Variants in SLC45A4 observed in about 807,000 individuals in gnomAD.
The protein encoded by SLC45A4 is polyamine-transporter SLC45A4.
A neutral mutation model predicts 63.7 loss-of-function variants in SLC45A4; 32 were observed. The observed-to-expected ratio is 0.50, with a 90% CI of 0.38 to 0.67. The LOEUF is 0.67. Ranked by LOEUF, SLC45A4 falls within the 30% of genes least tolerant of loss-of-function variation. The pLI is 0.00. For missense variants in SLC45A4, 1,027 were observed against 1,157.7 expected (o/e 0.89, Z 1.64); for synonymous variants, 535 against 510.0 (o/e 1.05, Z -0.66).
At chr8:141,246,141 C>T (rs914746830) in intron 2 of SLC45A4, among the ~76,000 whole-genome samples, 10 of 152,126 alleles carry the variant, frequency 6.6e-5, no homozygotes, top group African/African-American at 2.2e-4. Context: ...ACCTTCGTAC[C>T]CCTTCTACCA....
At chr8:141,259,764 A>G (rs2154614773) in intron 1 of SLC45A4, among the ~76,000 whole-genome samples, 1 of 152,342 alleles carries the variant, frequency 6.6e-6, no homozygotes, top group Admixed American at 6.5e-5. Context: ...ATCTCCCAGC[A>G]TCGGTCCACA....
At chr8:141,269,621 T>C (rs1316650646) in intron 1 of SLC45A4, among the ~76,000 whole-genome samples, 1 of 151,606 alleles carries the variant, frequency 6.6e-6, no homozygotes, top group Non-Finnish European at 1.5e-5. Context: ...TCTGCCTATG[T>C]GTCTGTGCGG....
chr8:141,242,618 C>G (rs375946137), intron 2 of SLC45A4, among the ~76,000 whole-genome samples: 1 of 152,200 alleles, frequency 6.6e-6, no homozygotes, highest in Non-Finnish European at 1.5e-5. Context: ...CGTGGTACAT[C>G]GGTGAGTGCC....
At chr8:141,307,033 T>G (rs1286027677) in intron 1 of SLC45A4, among the ~76,000 whole-genome samples, 2 of 152,140 alleles carry the variant, frequency 1.3e-5, no homozygotes, top group African/African-American at 2.4e-5. Flanking sequence ...ACTCCATCAG[T>G]GACCCGCACT....
chr8:141,257,707 C>T (rs540579456), intron 1 of SLC45A4, among the ~76,000 whole-genome samples: 3 of 152,328 alleles, frequency 2.0e-5, no homozygotes, highest in Middle Eastern at 3.4e-3. Context: ...TTGGCAATGA[C>T]GTGAGACATC....
chr8:141,291,072 C>T (rs1424702997), intron 1 of SLC45A4, among the ~76,000 whole-genome samples: 5 of 152,212 alleles, frequency 3.3e-5, no homozygotes, highest in African/African-American at 1.2e-4. Flanking sequence ...TGGTCTCAAA[C>T]TCCTGACCTC....
At chr8:141,282,961 G>A (rs754981036) in intron 1 of SLC45A4, among the ~76,000 whole-genome samples, 9 of 152,260 alleles carry the variant, frequency 5.9e-5, no homozygotes, top group Non-Finnish European at 7.3e-5. Context: ...TAGCGGAGAC[G>A]TGCACAGACC....
chr8:141,228,719 A>C, intron 2 of SLC45A4: 6 of 724,026 alleles, frequency 8.3e-6, no homozygotes, highest in Non-Finnish European at 8.6e-6. Flanking sequence ...AGAGCACAAA[A>C]TGCAGGTCAG....
intron 3 of SLC45A4, among the ~76,000 whole-genome samples, chr8:141,220,197 A>G (rs1014102220): frequency 2.6e-5 from 4 of 152,198 alleles, no homozygotes; most frequent in African/African-American, 9.6e-5. Context: ...AAGGCCGCAC[A>G]TGGTAGTGCA....
chr8:141,299,569 C>T (rs542561446), intron 1 of SLC45A4, among the ~76,000 whole-genome samples: 1 of 152,366 alleles, frequency 6.6e-6, no homozygotes, highest in Admixed American at 6.5e-5. Flanking sequence ...CCGGCTTCAT[C>T]CAGCAGAGGG....
intron 1 of SLC45A4, among the ~76,000 whole-genome samples, chr8:141,279,537 T>G (rs1829856854): frequency 6.6e-6 from 1 of 152,238 alleles, no homozygotes; most frequent in South Asian, 2.1e-4. Context: ...GGAGATGCCT[T>G]CAGTTGTAAA....
At chr8:141,225,119 G>A (rs1188522854) in intron 2 of SLC45A4, 2 of 152,136 alleles carry the variant, frequency 1.3e-5, no homozygotes, top group East Asian at 1.9e-4. Context: ...AGTGCGACAC[G>A]CGACATCATC....
chr8:141,266,533 C>A (rs1397113931), intron 1 of SLC45A4, among the ~76,000 whole-genome samples: 1 of 152,226 alleles, frequency 6.6e-6, no homozygotes, highest in Non-Finnish European at 1.5e-5. Context: ...GCAGCATTGG[C>A]AATTCTGCGT....
intron 7 of SLC45A4, among the ~76,000 whole-genome samples, chr8:141,214,199 A>C (rs992746623): frequency 1.3e-5 from 2 of 152,124 alleles, no homozygotes; most frequent in Admixed American, 6.5e-5. Flanking sequence ...CTCCAAAAAA[A>C]AAAAAAAAAA....
chr8:141,278,647 G>C lies in SLC45A4; in HGVS notation c.-400-24018C>G, dbSNP rs1035510667. Among the ~76,000 whole-genome samples the C allele has an allele frequency of 1.3e-5, 2 of 152,256 alleles. No individual in the cohort carries two copies. The highest frequency in any genetic ancestry group is 4.8e-5 in the African/African-American group (2 of 41,468). ...TGAGTGCTGACCACAGCCCCCACGG[G>C]CAGCACAGGCAAGCAAGTGGAGGAA... On this transcript the variant is annotated intron_variant, in intron 1 of 8. Transcript: ENST00000517878. The surrounding 1 kb of genome is among the most constrained non-coding windows in gnomAD (Gnocchi z 4.1).
intron 2 of SLC45A4, among the ~76,000 whole-genome samples, chr8:141,246,793 A>C (rs538965848): frequency 9.2e-5 from 14 of 151,838 alleles, no homozygotes; most frequent in African/African-American, 2.9e-4. Flanking sequence ...ATATAAAAAA[A>C]CCAATGCTAT....
intron 1 of SLC45A4, among the ~76,000 whole-genome samples, chr8:141,295,580 AC>A (rs1333247976): frequency 2.6e-5 from 4 of 152,182 alleles, no homozygotes; most frequent in African/African-American, 9.7e-5. Context: ...GGTCTGGAAC[AC>A]CCACTTCCAC....
chr8:141,298,575 G>A (rs989395597), intron 1 of SLC45A4, among the ~76,000 whole-genome samples: 2 of 152,196 alleles, frequency 1.3e-5, no homozygotes, highest in East Asian at 1.9e-4. Flanking sequence ...TGGCCAACCC[G>A]AAAGAAACAA....
rs185372247 is a variant in SLC45A4 at position 141,233,865 on chromosome 8, C to T, written c.242-12100G>A. ...TGGCTAGGCAGGTCCAGCAGGTCTG[C>T]GGCTGGACCTGACTCTGGGCTGAGC... On this transcript the variant is annotated intron_variant, in intron 2 of 8. Transcript: ENST00000517878. Among the ~76,000 whole-genome samples, 1,111 of 152,238 alleles carry T rather than the reference C, an allele frequency of 7.3e-3. 6 individuals carry two copies. Among genetic ancestry groups the T allele is most frequent in the Middle Eastern group, 0.02 (6 of 294 alleles).
Sources: gnomAD v4.1 joint callset for allele counts (sites outside exome capture counted in the v4.1 genomes callset) on GRCh38, gnomAD v4.1.1 for gene constraint, Gnocchi (gnomAD v3.1) non-coding constraint, MANE v1.5 for transcripts, NCBI Gene and HGNC (gene_info 2026-07-23, HGNC 2026-07-21) for gene names.